The following HLCS variants were observed in gnomAD, a reference collection of about 807,000 sequenced individuals.
The protein encoded by HLCS is holocarboxylase synthetase.
Under a neutral mutation model 75.0 loss-of-function variants are expected in HLCS, and 53 were observed. The ratio of observed to expected loss-of-function variants is 0.71; its 90% CI spans 0.57 to 0.89. The LOEUF (loss-of-function observed/expected upper bound fraction) is 0.89. HLCS is among the 40% of genes least tolerant of loss of function. HLCS has a pLI of 0.00. For missense variants in HLCS, 966 were observed against 1,074.0 expected (o/e 0.90, Z 1.41); for synonymous variants, 431 against 428.6 (o/e 1.01, Z -0.07).
intron 6 of HLCS, among the ~76,000 whole-genome samples, chr21:36,790,691 G>A (rs1167968619): frequency 6.6e-6 from 1 of 152,204 alleles, no homozygotes; most frequent in East Asian, 1.9e-4. Context: ...ACGGACGCAG[G>A]AATGCTCCAA....
chr21:36,944,151 G>A (rs1204108518), intron 2 of HLCS: 1 of 151,806 alleles, frequency 6.6e-6, no homozygotes. Flanking sequence ...GTCACATATT[G>A]TAATGGTTTA....
chr21:36,972,179 G>A (rs1270333899), intron 1 of HLCS: 3 of 152,106 alleles, frequency 2.0e-5, no homozygotes, highest in Non-Finnish European at 4.4e-5. Context: ...TCCAAAGATT[G>A]TAAAAATTAA....
At chr21:36,959,393 G>C (rs994757377) in intron 2 of HLCS, among the ~76,000 whole-genome samples, 2 of 152,246 alleles carry the variant, frequency 1.3e-5, no homozygotes, top group African/African-American at 4.8e-5. Flanking sequence ...GAGGACGGCT[G>C]GTTGCAGGCC....
intron 5 of HLCS, among the ~76,000 whole-genome samples, chr21:36,920,855 T>C (rs367543772): frequency 1.3e-5 from 2 of 152,172 alleles, no homozygotes; most frequent in African/African-American, 4.8e-5. Flanking sequence ...CTGAAATGCA[T>C]CAAGGTTGCC....
At position 36,775,192 on chromosome 21, in the gene HLCS, C is replaced by G. The variant is rs557433682; in HGVS notation, c.1893-7907G>C. On this transcript the variant is annotated intron_variant, in intron 6 of 10. Transcript: ENST00000674895. ...GCTCCTGGCATACCTGCCCTTCTTA[C>G]GTTTTTGGCTAATCTTCCCCACGTC... Among the ~76,000 whole-genome samples the G allele has an allele frequency of 4.1e-4, 63 of 152,334 alleles. 1 individual carries two copies. The South Asian group carries it at 0.013, about 32-fold the overall frequency.
chr21:36,784,297 T>C (rs11700880), intron 6 of HLCS, among the ~76,000 whole-genome samples: 23,727 of 147,982 alleles, frequency 0.16, 2,036 homozygotes, highest in South Asian at 0.27. Context: ...AATTTCAAGG[T>C]AGAAATACCA....
intron 5 of HLCS, 146 bp from the exon 6 acceptor site, chr21:36,897,277 A>G (rs1247204965): frequency 1.3e-5 from 10 of 750,128 alleles, no homozygotes; most frequent in Admixed American, 1.1e-4. Context: ...CCATACATCT[A>G]AACGATTAGA....
chr21:36,848,797 C>T (rs1569096754), intron 6 of HLCS, among the ~76,000 whole-genome samples: 3 of 151,960 alleles, frequency 2.0e-5, no homozygotes, highest in Non-Finnish European at 4.4e-5. Context: ...ACATATTGAA[C>T]TAATATTGGG....
Position 36,937,331 on chromosome 21 carries a change from G to A in HLCS, c.555C>T (p.Ala185=). The change falls in exon 4 of 11, where the codon GCC becomes GCT. Residue 185 remains alanine, a synonymous_variant. Coordinates refer to ENST00000674895, the MANE Select transcript of HLCS (RefSeq NM_001352514.2). The part of the protein sequence containing the change: ...EVKDQVSNKQ[A]QILEPKPEPS... ...GTTCAGGCTTCGGCTCTAGGATCTG[G>A]GCTTGCTTGTTTGAGACCTGATCCT... The A allele has an allele frequency of 3.1e-6, 5 of 1,614,050 alleles. No homozygotes were observed. The highest frequency in any genetic ancestry group is 4.2e-6 in the Non-Finnish European group (5 of 1,180,018).
At chr21:36,800,356 C>A (rs2061161736) in intron 6 of HLCS, among the ~76,000 whole-genome samples, 1 of 152,152 alleles carries the variant, frequency 6.6e-6, no homozygotes, top group African/African-American at 2.4e-5. Flanking sequence ...CACAAAGAAA[C>A]AGCAGTCATT....
At chr21:36,810,373 T>C (rs550650305) in intron 6 of HLCS, among the ~76,000 whole-genome samples, 2 of 152,334 alleles carry the variant, frequency 1.3e-5, no homozygotes, top group East Asian at 1.9e-4. Flanking sequence ...TCTATGCATG[T>C]ATGGTTCAGC....
At chr21:36,841,366 G>A (rs1249682627) in intron 6 of HLCS, among the ~76,000 whole-genome samples, 8 of 152,158 alleles carry the variant, frequency 5.3e-5, no homozygotes, top group Admixed American at 2.6e-4. Flanking sequence ...CATGAAATGC[G>A]ATAATAAATA....
At chr21:36,884,618 G>C (rs1056177680) in intron 6 of HLCS, among the ~76,000 whole-genome samples, 3 of 152,160 alleles carry the variant, frequency 2.0e-5, no homozygotes, top group African/African-American at 7.2e-5. Context: ...AACCTGAACT[G>C]GGGGGAAAAG....
At chr21:36,882,148 G>A (rs984701034) in intron 6 of HLCS, among the ~76,000 whole-genome samples, 2 of 151,496 alleles carry the variant, frequency 1.3e-5, no homozygotes, top group African/African-American at 4.9e-5. Context: ...CGGGCGTGGT[G>A]GCAGGTGCCT....
chr21:36,838,037 G>C (rs1288872211), intron 6 of HLCS, among the ~76,000 whole-genome samples: 1 of 152,036 alleles, frequency 6.6e-6, no homozygotes, highest in African/African-American at 2.4e-5. Flanking sequence ...TTTTTAAGCC[G>C]GATAATATTT....
chr21:36,784,988 A>G (rs1001320789), intron 6 of HLCS, among the ~76,000 whole-genome samples: 1 of 152,198 alleles, frequency 6.6e-6, no homozygotes, highest in Non-Finnish European at 1.5e-5. Context: ...ACCTGAAGGT[A>G]ACGAATTCCT....
At chr21:36,935,123 C>T (rs1217308979) in intron 4 of HLCS, among the ~76,000 whole-genome samples, 1 of 152,194 alleles carries the variant, frequency 6.6e-6, no homozygotes. Flanking sequence ...AAAATTCACT[C>T]TTCAAAACTG....
chr21:36,834,431 C>A (rs1601444112), intron 6 of HLCS, among the ~76,000 whole-genome samples: 1 of 152,160 alleles, frequency 6.6e-6, no homozygotes, highest in African/African-American at 2.4e-5. Context: ...GCCAGGTGGG[C>A]GAGTGGCCAA....
intron 6 of HLCS, among the ~76,000 whole-genome samples, chr21:36,839,234 T>C (rs1050841636): frequency 6.6e-6 from 1 of 152,206 alleles, no homozygotes; most frequent in Admixed American, 6.5e-5. Context: ...GCATGTCCAC[T>C]TCATGAAAAA....
Sources: allele counts gnomAD v4.1 joint callset (sites outside exome capture counted in the v4.1 genomes callset), GRCh38; gene constraint gnomAD v4.1.1; transcripts MANE v1.5; gene names NCBI Gene and HGNC (gene_info 2026-07-23, HGNC 2026-07-21).